Variants in BRF1 observed in about 807,000 individuals in gnomAD.
The protein encoded by BRF1 is transcription factor IIIB 90 kDa subunit.
Under a neutral mutation model 81.7 loss-of-function variants are expected in BRF1, and 59 were observed. That is an observed-to-expected ratio of 0.72 (90% CI 0.59 to 0.90). BRF1 has a LOEUF of 0.90. BRF1 is among the 40% of genes least tolerant of loss of function. The probability of loss-of-function intolerance (pLI) is 0.00; values close to 1 mark genes in which losing one functional copy is unlikely to be tolerated. For synonymous variants in BRF1, 491 were observed against 395.6 expected, an observed-to-expected ratio of 1.24 and a Z score of -2.86; for missense variants, 1,050 against 936.3, an observed-to-expected ratio of 1.12 and a Z score of -1.58.
At chr14:105,287,848 G>T (rs2057372128) in intron 1 of BRF1, among the ~76,000 whole-genome samples, 1 of 152,254 alleles carries the variant, frequency 6.6e-6, no homozygotes, top group Admixed American at 6.5e-5. Flanking sequence ...AGAGCAAGGG[G>T]CAGCTACTGG....
At chr14:105,252,453 G>C (rs962579141) in intron 5 of BRF1, 54 bp downstream of exon 5, 2 of 1,589,176 alleles carry the variant, frequency 1.3e-6, no homozygotes, top group African/African-American at 2.7e-5. Context: ...CATTTGGCAC[G>C]CTGGTCCCTA....
intron 10 of BRF1, among the ~76,000 whole-genome samples, chr14:105,225,050 G>A (rs587606991): frequency 1.4e-4 from 22 of 152,312 alleles, no homozygotes; most frequent in Non-Finnish European, 2.5e-4. Context: ...GGCCCAGGCC[G>A]CAGGTGCCAG....
chr14:105,309,841 A>G lies in BRF1; in HGVS notation c.-162+5481T>C, dbSNP rs1471132503. Among the ~76,000 whole-genome samples the G allele has an allele frequency of 7.5e-6, 1 of 133,230 alleles. No homozygotes were observed. The highest frequency in any genetic ancestry group is 1.5e-5 in the Non-Finnish European group (1 of 65,980). The allele number at this position is 133,230 out of a possible 152,430, so 87.4% of individuals were successfully genotyped here. ...CACTCTCTTGCCCAGGCAGGAGTGC[A>G]GTGGCACAATCTCGGCTCACTGCAA... is the stretch of plus-strand genomic sequence containing the variant. On this transcript the variant is annotated intron_variant, in intron 1 of 17. Transcript: ENST00000327359. The surrounding 1 kb of genome is among the most constrained non-coding windows in gnomAD (Gnocchi z 4.0).
intron 6 of BRF1, among the ~76,000 whole-genome samples, chr14:105,240,998 C>T (rs1012010012): frequency 6.6e-6 from 1 of 152,196 alleles, no homozygotes; most frequent in African/African-American, 2.4e-5. Flanking sequence ...GCAGCCGCAC[C>T]CCAGAAGTAG....
In BRF1 at chr14:105,219,018, C is replaced by T. The variant is rs758305859; in HGVS notation, c.1495G>A (p.Gly499Ser). ...EARIAKEKELGIYKEHKPKKS... is the reference protein window; with the variant it reads ...EARIAKEKELSIYKEHKPKKS... ...CCCACCTTGTGTTCCTTGTAGATGC[C>T]GAGCTCCTTCTCTTTCGCTATTCTT... The change falls in exon 14 of 18, where the codon GGC becomes AGC. Residue 499 changes from glycine to serine, a missense_variant. By Grantham distance (56) the Gly-to-Ser change is moderately conservative. This residue lies in a region of BRF1 where 1,043 missense variants were observed against 915.4 expected (regional missense o/e 1.14). Coordinates refer to ENST00000547530, the MANE Select transcript of BRF1 (RefSeq NM_001519.4). The T allele has an allele frequency of 1.1e-5, 17 of 1,613,718 alleles. No homozygotes were observed. Among genetic ancestry groups the T allele is most frequent in the Non-Finnish European group, 1.2e-5 (14 of 1,180,010 alleles).
intron 12 of BRF1, 106 bp downstream of exon 12, chr14:105,219,963 G>T (rs930037048): frequency 3.2e-6 from 4 of 1,267,882 alleles, no homozygotes; most frequent in Non-Finnish European, 3.4e-6. Flanking sequence ...AGCGGGGTGG[G>T]CTCTGGGCAG....
At chr14:105,261,239 T>C (rs752951207) in intron 3 of BRF1, among the ~76,000 whole-genome samples, 7 of 152,190 alleles carry the variant, frequency 4.6e-5, no homozygotes, top group Admixed American at 1.3e-4. Flanking sequence ...GGGAGCACAA[T>C]AGAGGGCAGG....
rs1595439982 is a variant in BRF1 at position 105,272,641 on chromosome 14, C to T, written c.439+80G>A. 9.5e-6 allele frequency: 14 copies of T among 1,475,822 alleles called. No homozygotes were observed. The East Asian group carries it at 3.3e-4, about 35-fold the overall frequency. 91.4% of individuals were successfully genotyped at this position (1,475,822 alleles called of 1,614,324 possible). On this transcript the variant is annotated intron_variant, in intron 3 of 17. Coordinates refer to ENST00000547530, the MANE Select transcript of BRF1 (RefSeq NM_001519.4). ...AAAGACAAACACCAAGTTACTGCAA[C>T]TACCAAGTCCCAATATTCGAGGGGA...
intron 5 of BRF1, 131 bp from the exon 6 acceptor site, chr14:105,241,545 TC>T: frequency 8.3e-7 from 1 of 1,199,634 alleles, no homozygotes; most frequent in Non-Finnish European, 1.2e-6. Flanking sequence ...CCAGTTCCCC[TC>T]CCCTGGACAA....
intron 3 of BRF1, 27 bp downstream of exon 3, chr14:105,272,694 C>G (rs763365824): frequency 1.9e-6 from 3 of 1,573,514 alleles, no homozygotes; most frequent in Non-Finnish European, 2.6e-6. Context: ...ATGGGGCCCT[C>G]TGGGAGGCTC....
chr14:105,249,383 C>T, intron 5 of BRF1: 3 of 1,612,382 alleles, frequency 1.9e-6, no homozygotes, highest in South Asian at 1.1e-5. Flanking sequence ...TCGGCAGCTC[C>T]GTCTTCTATG....
rs140813617 is a variant in BRF1 at position 105,241,272 on chromosome 14, G to A, written c.687C>T (p.Cys229=). 9.5e-3 allele frequency: 15,305 copies of A among 1,611,548 alleles called. 104 individuals carry two copies. The highest frequency in any genetic ancestry group is 0.024 in the East Asian group (1,082 of 44,882). Residue 229 remains cysteine, a synonymous_variant, in exon 6 of 18, where the codon TGC becomes TGT. Transcript: ENST00000547530. ...AGGCAGGGCCCGCTGTACCTGCTCC[G>A]CAGAGGCCCGAGGGGCGCCGGCCTG... The part of the protein sequence containing the change: ...MHTGRRPSGL[C]GAALLVAARM...
At chr14:105,264,183 TAAA>T (rs2056293575) in intron 3 of BRF1, among the ~76,000 whole-genome samples, 1 of 152,120 alleles carries the variant, frequency 6.6e-6, no homozygotes, top group Admixed American at 6.6e-5. Flanking sequence ...TGGACTCTAA[TAAA>T]AGGAGTCTTA....
intron 11 of BRF1, among the ~76,000 whole-genome samples, chr14:105,220,631 A>G (rs1892131058): frequency 6.6e-6 from 1 of 152,118 alleles, no homozygotes; most frequent in Non-Finnish European, 1.5e-5. Context: ...GGACACCCCA[A>G]AACCTGCCTG....
intron 5 of BRF1, chr14:105,247,536 A>G (rs2055202366): frequency 2.8e-5 from 28 of 985,162 alleles, no homozygotes; most frequent in Non-Finnish European, 3.4e-5. Flanking sequence ...TACCGCAAAT[A>G]TCTTCTGAAG....
intron 3 of BRF1, among the ~76,000 whole-genome samples, chr14:105,258,551 A>G (rs1208538052): frequency 6.6e-6 from 1 of 150,390 alleles, no homozygotes; most frequent in African/African-American, 2.5e-5. Context: ...TAATCCCAAC[A>G]CTTTGGGAGG....
At chr14:105,290,511 G>A (rs1418430523) in intron 1 of BRF1, among the ~76,000 whole-genome samples, 4 of 152,184 alleles carry the variant, frequency 2.6e-5, no homozygotes, top group African/African-American at 9.7e-5. Context: ...TCCCTGCCTA[G>A]GTACAGTGGG....
In BRF1 at chr14:105,219,162, C is replaced by A; in HGVS notation, c.1448G>T (p.Arg483Leu). ...CGGGTGGCGCTTACCCCTCTGTTCC[C>A]GCAGGTACTCGGCGTTCTCCCTCAT... ...LWMRENAEYL[R>L]EQREKEARIA... The change falls in exon 13 of 18, where the codon CGG (arginine) becomes CTG (leucine). Residue 483 changes from arginine to leucine, a missense_variant. Transcript: ENST00000547530. 1 of 1,612,270 alleles carries A rather than the reference C, an allele frequency of 6.2e-7. No individual in the cohort carries two copies. The highest frequency in any genetic ancestry group is 8.5e-7 in the Non-Finnish European group (1 of 1,178,624).
chr14:105,286,906 T>C (rs1306976942), intron 1 of BRF1, among the ~76,000 whole-genome samples: 1 of 152,238 alleles, frequency 6.6e-6, no homozygotes, highest in African/African-American at 2.4e-5. Flanking sequence ...ACACACAGCA[T>C]GGGCTGGCCG....
Sources: allele counts gnomAD v4.1 joint callset (sites outside exome capture counted in the v4.1 genomes callset), GRCh38; gene constraint gnomAD v4.1.1; regional missense constraint gnomAD v4.1.1; non-coding constraint Gnocchi (gnomAD v3.1); transcripts MANE v1.5; gene names NCBI Gene and HGNC (gene_info 2026-07-23, HGNC 2026-07-21).